Variants in SLC35F1 observed in about 807,000 individuals in gnomAD.
SLC35F1 encodes solute carrier family 35 member F1, also known as chromosome 6 open reading frame 169.
SLC35F1 carries 14 observed loss-of-function variants against 48.7 expected under a neutral mutation model. The ratio of observed to expected loss-of-function variants is 0.29; its 90% confidence interval spans 0.19 to 0.45. SLC35F1 has a LOEUF of 0.45. Among genes scored for constraint, SLC35F1 ranks in the 20% least tolerant of loss-of-function variants. The pLI is 1.00. For missense variants in SLC35F1, 404 were observed against 500.0 expected, an observed-to-expected ratio of 0.81 and a Z score of 1.83; for synonymous variants, 190 against 202.2, an observed-to-expected ratio of 0.94 and a Z score of 0.51.
intron 1 of SLC35F1, among the ~76,000 whole-genome samples, chr6:118,044,549 G>T (rs112741090): frequency 0.042 from 6,437 of 152,252 alleles, 210 homozygotes; most frequent in Non-Finnish European, 0.065. Context: ...GGCCCTGGCA[G>T]TATTTCTGTT....
intron 1 of SLC35F1, among the ~76,000 whole-genome samples, chr6:118,010,462 G>T (rs1163690386): frequency 6.6e-6 from 1 of 152,114 alleles, no homozygotes; most frequent in African/African-American, 2.4e-5. Flanking sequence ...ACAAATACAA[G>T]AGAAAATAAA....
At chr6:118,183,987 C>G (rs999581087) in intron 2 of SLC35F1, among the ~76,000 whole-genome samples, 3 of 152,064 alleles carry the variant, frequency 2.0e-5, no homozygotes, top group African/African-American at 4.8e-5. Flanking sequence ...GTTTCTCTCT[C>G]CACCTACCTT....
At chr6:118,052,120 G>C (rs1772400184) in intron 1 of SLC35F1, among the ~76,000 whole-genome samples, 1 of 152,058 alleles carries the variant, frequency 6.6e-6, no homozygotes, top group Admixed American at 6.6e-5. Flanking sequence ...TGTTAGTCCA[G>C]TAGAGAATGG....
chr6:118,141,836 A>G (rs1340319784), intron 1 of SLC35F1, among the ~76,000 whole-genome samples: 1 of 152,172 alleles, frequency 6.6e-6, no homozygotes, highest in Non-Finnish European at 1.5e-5. Context: ...TGCTTTCCCT[A>G]CCAGTCCTCG....
chr6:118,011,842 GTCC>G (rs1247900683), intron 1 of SLC35F1, among the ~76,000 whole-genome samples: 1 of 152,138 alleles, frequency 6.6e-6, no homozygotes, highest in African/African-American at 2.4e-5. Flanking sequence ...ATTGTCAATA[GTCC>G]TGTAGTTGAA....
chr6:117,960,795 GA>G (rs1776488124), intron 1 of SLC35F1, among the ~76,000 whole-genome samples: 1 of 152,198 alleles, frequency 6.6e-6, no homozygotes, highest in South Asian at 2.1e-4. Context: ...GGGAGAGAAT[GA>G]GGGGTGATGG....
chr6:118,270,277 G>T (rs1224537523), intron 4 of SLC35F1, among the ~76,000 whole-genome samples: 1 of 152,050 alleles, frequency 6.6e-6, no homozygotes, highest in African/African-American at 2.4e-5. Flanking sequence ...GAAATTCTTT[G>T]TTTTGATTTA....
chr6:117,964,136 C>T (rs1403944318), intron 1 of SLC35F1, among the ~76,000 whole-genome samples: 2 of 152,190 alleles, frequency 1.3e-5, no homozygotes, highest in African/African-American at 4.8e-5. Context: ...CATCCACGTC[C>T]CTGCAAAGGA....
chr6:118,194,748 G>A (rs1464544854), intron 2 of SLC35F1, among the ~76,000 whole-genome samples: 2 of 152,142 alleles, frequency 1.3e-5, no homozygotes, highest in African/African-American at 4.8e-5. Context: ...CACAGAGAGA[G>A]AGGGGCCAGA....
At position 118,297,776 on chromosome 6, in the gene SLC35F1, A is replaced by G. The variant is rs925382292; in HGVS notation, c.1002+12438A>G. On this transcript the variant is annotated intron_variant, in intron 7 of 7. Coordinates refer to ENST00000360388, the MANE Select transcript of SLC35F1 (RefSeq NM_001029858.4). ...TATAATATATATATAATATATATAT[A>G]TACACACATATATTTTTTTTCAGTT... Among the ~76,000 whole-genome samples, 26 of 137,442 alleles carry G rather than the reference A, an allele frequency of 1.9e-4. No individual in the cohort carries two copies. In the South Asian group the frequency reaches 5.5e-3, roughly 29 times the overall value. 90.2% of individuals were successfully genotyped at this position (137,442 alleles called of 152,430 possible). A position where few individuals can be genotyped will look rare whatever the true frequency, so the allele number is the denominator to read the frequency against.
At chr6:118,191,761 A>G (rs932631599) in intron 2 of SLC35F1, among the ~76,000 whole-genome samples, 1 of 152,202 alleles carries the variant, frequency 6.6e-6, no homozygotes, top group Non-Finnish European at 1.5e-5. Flanking sequence ...CAGTGCTCTT[A>G]CATGGGAGAG....
chr6:118,068,094 AAGAG>A (rs946755527), intron 1 of SLC35F1, among the ~76,000 whole-genome samples: 5 of 152,106 alleles, frequency 3.3e-5, no homozygotes, highest in African/African-American at 7.2e-5. Flanking sequence ...CTAGCTCCAG[AAGAG>A]AGAGAGTGAA....
intron 1 of SLC35F1, among the ~76,000 whole-genome samples, chr6:118,104,713 G>T (rs1773306106): frequency 6.6e-6 from 1 of 152,142 alleles, no homozygotes; most frequent in Admixed American, 6.5e-5. Flanking sequence ...GATAGGAGCT[G>T]CAATGCTTTG....
chr6:117,908,454 C>T (rs907496238), intron 1 of SLC35F1, among the ~76,000 whole-genome samples: 1 of 152,234 alleles, frequency 6.6e-6, no homozygotes, highest in African/African-American at 2.4e-5. Context: ...AGTCGCCTCT[C>T]GGACTCTTCC....
intron 1 of SLC35F1, among the ~76,000 whole-genome samples, chr6:117,966,087 C>T (rs190307519): frequency 6.8e-6 from 1 of 147,000 alleles, no homozygotes; most frequent in Admixed American, 6.9e-5. Flanking sequence ...GACCAATTAG[C>T]AGGATGTAGG....
intron 1 of SLC35F1, among the ~76,000 whole-genome samples, chr6:117,940,033 G>A (rs911308812): frequency 2.0e-5 from 3 of 152,200 alleles, no homozygotes; most frequent in Non-Finnish European, 4.4e-5. Context: ...CCTTTACCTT[G>A]CTGATTAGAG....
chr6:118,049,252 A>G (rs558835901), intron 1 of SLC35F1, among the ~76,000 whole-genome samples: 1 of 152,334 alleles, frequency 6.6e-6, no homozygotes, highest in Admixed American at 6.5e-5. Context: ...ACCTAAAACC[A>G]TAAAAACCCT....
chr6:118,044,525 G>A (rs373571361), intron 1 of SLC35F1, among the ~76,000 whole-genome samples: 2 of 152,146 alleles, frequency 1.3e-5, no homozygotes, highest in East Asian at 1.9e-4. Context: ...ATGGCTCAGA[G>A]GCTGTGACTG....
rs866740424 is a variant in SLC35F1 at position 118,235,605 on chromosome 6, C to T, written c.446C>T (p.Ala149Val). 1 of 1,613,522 alleles carries T rather than the reference C, an allele frequency of 6.2e-7. No homozygotes were observed. Among genetic ancestry groups the T allele is most frequent in the Non-Finnish European group, 8.5e-7 (1 of 1,179,668 alleles). ...GAAGCAAATTATCTGGTGGTCAAGG[C>T]TTACCAATACACAACTCTGACCAGT... ...DLEANYLVVK[A>V]YQYTTLTSIQ... Residue 149 changes from alanine to valine, a missense_variant, in exon 3 of 8, where the codon GCT becomes GTT. Physicochemically the swap from Ala to Val is moderately conservative, Grantham distance 64. This residue lies in a region of SLC35F1 where 306 missense variants were observed against 419.1 expected (regional missense o/e 0.73). Transcript: ENST00000360388.
Sources: allele counts gnomAD v4.1 joint callset (sites outside exome capture counted in the v4.1 genomes callset), GRCh38; gene constraint gnomAD v4.1.1; regional missense constraint gnomAD v4.1.1; transcripts MANE v1.5; gene names NCBI Gene and HGNC (gene_info 2026-07-23, HGNC 2026-07-21).